Variants in WNT9B observed in about 807,000 individuals in gnomAD.
The protein encoded by WNT9B is Wnt family member 9B, also known as protein Wnt-9b.
In WNT9B, 12 loss-of-function variants were observed where a neutral mutation model predicts 30.2. The observed-to-expected ratio is 0.40, with a 90% CI of 0.26 to 0.64. The LOEUF is 0.64. WNT9B is among the 30% of genes least tolerant of loss of function. The pLI, the probability that WNT9B is intolerant of heterozygous loss-of-function variation, is 0.42. For missense variants in WNT9B, 442 were observed against 485.2 expected (o/e 0.91, Z 0.84); for synonymous variants, 218 against 216.9 (o/e 1.01, Z -0.05).
chr17:46,860,316 T>G (rs2085014935), intron 1 of WNT9B, among the ~76,000 whole-genome samples: 1 of 152,108 alleles, frequency 6.6e-6, no homozygotes, highest in Non-Finnish European at 1.5e-5. Flanking sequence ...CCTTTGGGAT[T>G]ATGTGCTCAG....
At chr17:46,850,987 T>A (rs2081171830), upstream of WNT9B, among the ~76,000 whole-genome samples, 1 of 152,132 alleles carries the variant, frequency 6.6e-6, no homozygotes, top group South Asian at 2.1e-4. Context: ...GAGCGCCCTT[T>A]CCTCTCTCCC....
At chr17:46,834,517 G>C (rs1429177243) in intron 1 of WNT9B, among the ~76,000 whole-genome samples, 1 of 152,182 alleles carries the variant, frequency 6.6e-6, no homozygotes, top group East Asian at 1.9e-4. Context: ...TCCTTGAGTG[G>C]AAAGCTCCTC....
intron 1 of WNT9B, among the ~76,000 whole-genome samples, chr17:46,870,052 A>T (rs887461384): frequency 6.6e-6 from 1 of 152,212 alleles, no homozygotes; most frequent in African/African-American, 2.4e-5. Flanking sequence ...TGTAGCTATA[A>T]TGATATAATA....
chr17:46,867,137 T>C (rs1009520542), intron 1 of WNT9B, among the ~76,000 whole-genome samples: 11 of 152,334 alleles, frequency 7.2e-5, no homozygotes, highest in African/African-American at 2.6e-4. Flanking sequence ...CTTGGGGCCT[T>C]GAGAGAGTCT....
intron 1 of WNT9B, among the ~76,000 whole-genome samples, chr17:46,834,092 G>GTTT (rs2084592449): frequency 6.6e-6 from 1 of 152,178 alleles, no homozygotes; most frequent in Non-Finnish European, 1.5e-5. Flanking sequence ...CTACTCGGGA[G>GTTT]GCTGAGGGGA....
intron 1 of WNT9B, among the ~76,000 whole-genome samples, chr17:46,861,337 T>C (rs2082384059): frequency 6.6e-6 from 1 of 152,208 alleles, no homozygotes; most frequent in Non-Finnish European, 1.5e-5. Flanking sequence ...CCACAGTCTC[T>C]AGCAGTGCTC....
intron 1 of WNT9B, among the ~76,000 whole-genome samples, chr17:46,869,624 G>A (rs1451516437): frequency 3.3e-5 from 5 of 152,220 alleles, no homozygotes; most frequent in Non-Finnish European, 7.3e-5. Context: ...ACATGTCAGA[G>A]GTCATAATCA....
upstream of WNT9B, among the ~76,000 whole-genome samples, chr17:46,847,443 C>T (rs994308574): frequency 2.0e-5 from 3 of 152,342 alleles, no homozygotes; most frequent in Admixed American, 2.0e-4. Context: ...TGCAATGTTG[C>T]AAGGGCATTG....
rs1020753825 is a variant in WNT9B, at chr17:46,879,996, T to C, written c.*3278T>C. ...TCCCAACCTACAGATGAATTTTGAT[T>C]GCTCTCATTTGTGTTTTGCTTGTAA... is the stretch of plus-strand genomic sequence containing the variant. On this transcript the variant is annotated 3_prime_UTR_variant, in exon 4 of 4. Transcript: ENST00000290015. Among the ~76,000 whole-genome samples, 2 of 152,234 alleles carry C rather than the reference T, an allele frequency of 1.3e-5. No individual in the cohort carries two copies. Among genetic ancestry groups the C allele is most frequent in the Non-Finnish European group, 2.9e-5 (2 of 68,040 alleles).
intron 1 of WNT9B, among the ~76,000 whole-genome samples, chr17:46,842,724 T>C (rs1048976338): frequency 4.6e-5 from 7 of 152,188 alleles, no homozygotes; most frequent in Non-Finnish European, 1.0e-4. Flanking sequence ...AATTCCTGGA[T>C]CCTACAGAGT....
intron 1 of WNT9B, among the ~76,000 whole-genome samples, chr17:46,835,668 C>G (rs1165178471): frequency 6.6e-6 from 1 of 152,246 alleles, no homozygotes; most frequent in African/African-American, 2.4e-5. Context: ...TCAGCAGTTG[C>G]CAAGATTTGT....
intron 3 of WNT9B, 29 bp downstream of exon 3, chr17:46,875,395 C>A: frequency 1.3e-6 from 2 of 1,562,092 alleles, no homozygotes; most frequent in Admixed American, 1.8e-5. Context: ...GCCCGCAGTG[C>A]CTTCCCACCA....
intron 3 of WNT9B, 69 bp from the exon 4 acceptor site, chr17:46,876,176 G>T (rs2085341771): frequency 1.4e-6 from 2 of 1,438,066 alleles, no homozygotes; most frequent in East Asian, 4.9e-5. Flanking sequence ...TGGGGTTGGT[G>T]CTCTGGGGGC....
intron 1 of WNT9B, among the ~76,000 whole-genome samples, chr17:46,853,244 GTCTCTCAA>G (rs1235239021): frequency 6.6e-6 from 1 of 151,366 alleles, no homozygotes; most frequent in African/African-American, 2.4e-5. Context: ...CTGTCTCTCA[GTCTCTCAA>G]TCTGTAAAAT....
At chr17:46,883,163 T>TAGTAGAGAC (rs1384326337), downstream of WNT9B, among the ~76,000 whole-genome samples, 2 of 151,870 alleles carry the variant, frequency 1.3e-5, no homozygotes, top group African/African-American at 2.4e-5. Context: ...TTTGTATTTT[T>TAGTAGAGAC]AGTAGAGACG....
chr17:46,834,396 C>T (rs979772040), intron 1 of WNT9B, among the ~76,000 whole-genome samples: 22 of 152,082 alleles, frequency 1.4e-4, no homozygotes, highest in African/African-American at 3.4e-4. Flanking sequence ...CTGGGGAGGG[C>T]GCGCATTAGG....
At chr17:46,867,208 G>GTACCCTGTGC (rs2085154019) in intron 1 of WNT9B, among the ~76,000 whole-genome samples, 1 of 152,224 alleles carries the variant, frequency 6.6e-6, no homozygotes, top group Non-Finnish European at 1.5e-5. Flanking sequence ...GGGCAGGACC[G>GTACCCTGTGC]TGTCCCAGCA....
downstream of WNT9B, among the ~76,000 whole-genome samples, chr17:46,884,817 G>A (rs991934338): frequency 3.9e-5 from 6 of 152,174 alleles, no homozygotes; most frequent in Admixed American, 1.3e-4. Flanking sequence ...GCTGGACTGG[G>A]ATTGGGAGGT....
intron 1 of WNT9B, among the ~76,000 whole-genome samples, chr17:46,861,248 A>G (rs2146567956): frequency 6.6e-6 from 1 of 152,096 alleles, no homozygotes; most frequent in Non-Finnish European, 1.5e-5. Context: ...TCATTAGCTA[A>G]TTTTTCAGGT....
Sources: allele counts gnomAD v4.1 joint callset (sites outside exome capture counted in the v4.1 genomes callset), GRCh38; gene constraint gnomAD v4.1.1; transcripts MANE v1.5; gene names NCBI Gene and HGNC (gene_info 2026-07-23, HGNC 2026-07-21).